SMC3: variants seen among roughly 807,000 people sequenced by gnomAD.
The protein encoded by SMC3 is structural maintenance of chromosomes protein 3.
A neutral mutation model predicts 171.8 loss-of-function variants in SMC3; 20 were observed. The observed-to-expected ratio is 0.12, with a 90% confidence interval of 0.08 to 0.17. SMC3 has a LOEUF of 0.17. SMC3 is among the 10% of genes least tolerant of loss of function. The pLI is 1.00. For synonymous variants in SMC3, 464 were observed against 451.1 expected (o/e 1.03, Z -0.36); for missense variants, 543 against 1,420.4 (o/e 0.38, Z 9.93).
intron 2 of SMC3, among the ~76,000 whole-genome samples, chr10:110,570,010 A>T (rs1279821766): frequency 6.6e-6 from 1 of 152,232 alleles, no homozygotes; most frequent in Non-Finnish European, 1.5e-5. Flanking sequence ...GCCATAACAA[A>T]ATACCATAGA....
intron 7 of SMC3, among the ~76,000 whole-genome samples, 188 bp downstream of exon 7, chr10:110,578,894 CT>C (rs1860993456): frequency 1.3e-5 from 2 of 152,284 alleles, no homozygotes; most frequent in Admixed American, 1.3e-4. Flanking sequence ...TTAAGTGGAT[CT>C]TGTTTTCCTA....
intron 28 of SMC3, 136 bp from the exon 29 acceptor site, chr10:110,604,094 CA>C (rs57491050): frequency 0.055 from 12,453 of 225,996 alleles, 3 homozygotes; most frequent in South Asian, 0.072. Context: ...GACTCCATCT[CA>C]AAAAAAAAAA....
rs530546582 is a variant in SMC3 at position 110,587,177 on chromosome 10, A to T, written c.1306-2428A>T. 5.9e-5 allele frequency among the ~76,000 whole-genome samples: 9 copies of T among 152,340 alleles called. No homozygotes were observed. The East Asian group carries it at 1.5e-3, about 26-fold the overall frequency. On this transcript the variant is annotated intron_variant, in intron 13 of 28. Coordinates refer to ENST00000361804, the MANE Select transcript of SMC3 (RefSeq NM_005445.4). Reference sequence around the variant, plus strand: ...TTGGCCGTAGCAACTGCTGTGGAGAAGGGGAAGCTCTTAGATAGTTTCAGT... The same window carrying T: ...TTGGCCGTAGCAACTGCTGTGGAGATGGGGAAGCTCTTAGATAGTTTCAGT...
intron 9 of SMC3, among the ~76,000 whole-genome samples, 189 bp downstream of exon 9, chr10:110,582,287 T>C (rs1027360117): frequency 6.6e-6 from 1 of 152,188 alleles, no homozygotes; most frequent in East Asian, 1.9e-4. Flanking sequence ...CTATATAGTA[T>C]TATCTGAAAT....
At chr10:110,593,392 C>T (rs952503102) in intron 18 of SMC3, among the ~76,000 whole-genome samples, 169 bp downstream of exon 18, 5 of 151,796 alleles carry the variant, frequency 3.3e-5, no homozygotes, top group Admixed American at 6.6e-5. Flanking sequence ...GCTAACGAGG[C>T]GAAACCCTGT....
Position 110,583,551 on chromosome 10 carries a change from A to G in SMC3, c.969+3A>G. ...TAGCAGGCAATAGTGAACAAAGGGT[A>G]AGTTAAAATGCTAAAAATGAAAGAT... On this transcript the variant is annotated splice_donor_region_variant and intron_variant, in intron 11 of 28. Transcript: ENST00000361804. The G allele has an allele frequency of 6.2e-7, 1 of 1,613,804 alleles. No individual in the cohort carries two copies. The highest frequency in any genetic ancestry group is 8.5e-7 in the Non-Finnish European group (1 of 1,179,774).
intron 28 of SMC3, 124 bp from the exon 29 acceptor site, chr10:110,604,107 A>AC (rs956533832): frequency 1.5e-5 from 8 of 521,300 alleles, no homozygotes; most frequent in Non-Finnish European, 2.1e-5. Flanking sequence ...AAAAAAAAAA[A>AC]AAAAAAAAAA....
intron 18 of SMC3, 109 bp downstream of exon 18, chr10:110,593,332 G>A (rs1465908563): frequency 8.8e-7 from 1 of 1,139,020 alleles, no homozygotes; most frequent in African/African-American, 1.5e-5. Context: ...AGCACTTTGG[G>A]AGGCTGAGGC....
At chr10:110,599,042 TAAAA>T (rs538467688) in intron 20 of SMC3, among the ~76,000 whole-genome samples, 2 of 140,920 alleles carry the variant, frequency 1.4e-5, no homozygotes, top group Admixed American at 1.4e-4. Context: ...ACAAAGAGCT[TAAAA>T]AAAAAAAAAA....
intron 18 of SMC3, among the ~76,000 whole-genome samples, chr10:110,595,191 G>T (rs1334956929): frequency 6.6e-6 from 1 of 151,914 alleles, no homozygotes. Context: ...TGTTGGTCAG[G>T]CTGGTCTCGA....
rs955217255 is a variant in SMC3 at position 110,605,727 on chromosome 10, G to A, written c.*1425G>A. 5.3e-5 allele frequency among the ~76,000 whole-genome samples: 8 copies of A among 152,084 alleles called. No individual in the cohort carries two copies. The highest frequency in any genetic ancestry group is 1.9e-4 in the East Asian group (1 of 5,192). ...TCTATGACTACATTCAAAGGGTTAC[G>A]TAACTATAATATCTTTCTAATATTT... On this transcript the variant is annotated 3_prime_UTR_variant, in exon 29 of 29. Coordinates refer to ENST00000361804, the MANE Select transcript of SMC3 (RefSeq NM_005445.4).
chr10:110,593,291 G>T, intron 18 of SMC3, 68 bp downstream of exon 18: 3 of 1,527,272 alleles, frequency 2.0e-6, no homozygotes, highest in East Asian at 2.3e-5. Context: ...ATATAATCTG[G>T]CTGGGCGCAG....
At position 110,581,926 on chromosome 10, in the gene SMC3, G is replaced by A; in HGVS notation, c.551G>A (p.Gly184Asp). The A allele has an allele frequency of 6.2e-7, 1 of 1,612,968 alleles. No homozygotes were observed. Among genetic ancestry groups the A allele is most frequent in the Non-Finnish European group, 8.5e-7 (1 of 1,179,248 alleles). The change falls in exon 9 of 29, where the codon GGC becomes GAC. Residue 184 changes from glycine to aspartate, a missense_variant. Around this residue, in one of 8 missense-constraint regions of SMC3, gnomAD observed 146 missense variants for 437.9 expected, o/e 0.33. Transcript: ENST00000361804. ...CTCTCTCCCCATTTCTTTTAAGAGG[G>A]CAAACGGGAAAAAATCAATGAGTTG... is the stretch of plus-strand genomic sequence containing the variant. ...ESISLMKETE[G>D]KREKINELLK...
Position 110,603,974 on chromosome 10 carries a change from C to T in SMC3, c.3583-257C>T, listed in dbSNP as rs11195215. Among the ~76,000 whole-genome samples the T allele has an allele frequency of 0.12, 17,843 of 151,242 alleles. 1,265 individuals are homozygous for T. The highest frequency in any genetic ancestry group is 0.29 in the East Asian group (1,461 of 5,110). On this transcript the variant is annotated intron_variant, in intron 28 of 28. Coordinates refer to ENST00000361804, the MANE Select transcript of SMC3 (RefSeq NM_005445.4). The stretch of plus-strand genomic sequence containing the variant: ...GCTGGGCATGCTGGCGTGCACCTGT[C>T]GTCCCAGCTACTTGGGAGTCTGAGG...
chr10:110,600,505 C>A lies in SMC3; in HGVS notation c.2494C>A (p.Leu832Ile). The A allele has an allele frequency of 6.3e-7, 1 of 1,589,108 alleles. No homozygotes were observed. The highest frequency in any genetic ancestry group is 8.6e-7 in the Non-Finnish European group (1 of 1,158,862). The change falls in exon 22 of 29, where the codon CTC (leucine) becomes ATC (isoleucine). Residue 832 changes from leucine to isoleucine, a missense_variant. Leu to Ile is a conservative substitution (Grantham distance 5, BLOSUM62 2). This residue lies in a region of SMC3 where 33 missense variants were observed against 33.6 expected (regional missense o/e 0.98). Transcript: ENST00000361804. ...TATTATTACTCGAGTAGAGACTTAT[C>A]TCAATGAGAATCTGAGAAAACGCTT... ...EGIITRVETY[L>I]NENLRKRLDQ...
At chr10:110,593,710 A>T (rs1861246624) in intron 18 of SMC3, among the ~76,000 whole-genome samples, 1 of 151,522 alleles carries the variant, frequency 6.6e-6, no homozygotes. Flanking sequence ...TTGGCCGGGC[A>T]TGGTGGCTCA....
At chr10:110,586,721 G>T (rs951109563) in intron 13 of SMC3, among the ~76,000 whole-genome samples, 1 of 152,014 alleles carries the variant, frequency 6.6e-6, no homozygotes, top group Non-Finnish European at 1.5e-5. Context: ...GCAATGGTGC[G>T]ATCTTGGCTC....
At chr10:110,583,581 A>T (rs1173780668) in intron 11 of SMC3, 33 bp downstream of exon 11, 42 of 1,605,764 alleles carry the variant, frequency 2.6e-5, no homozygotes, top group Non-Finnish European at 3.6e-5. Context: ...AAAGATGTGA[A>T]TGTTCAGGTG....
In SMC3 at chr10:110,568,916, A is replaced by C. The variant is rs138795053; in HGVS notation, c.16-22A>C. On this transcript the variant is annotated intron_variant, in intron 1 of 28. Transcript: ENST00000361804. ...AATTTTTTTTGTGGGGTGGGTTCTCAAAAATGTTTTTTATTTACTAGGTGA... is the reference window on the plus strand; with the variant it reads ...AATTTTTTTTGTGGGGTGGGTTCTCCAAAATGTTTTTTATTTACTAGGTGA... 27 of 1,482,028 alleles carry C rather than the reference A, an allele frequency of 1.8e-5. No individual in the cohort carries two copies. The African/African-American group carries it at 3.6e-4, about 20-fold the overall frequency. 91.8% of individuals were successfully genotyped at this position (1,482,028 alleles called of 1,614,324 possible). A position where few individuals can be genotyped will look rare whatever the true frequency, so the allele number is the denominator to read the frequency against.
Sources: allele counts gnomAD v4.1 joint callset (sites outside exome capture counted in the v4.1 genomes callset), GRCh38; gene constraint gnomAD v4.1.1; regional missense constraint gnomAD v4.1.1; transcripts MANE v1.5; gene names NCBI Gene and HGNC (gene_info 2026-07-23, HGNC 2026-07-21).